The following WDR81 variants were observed in gnomAD, a reference collection of about 807,000 sequenced individuals.
WDR81 encodes WD repeat domain 81.
WDR81 carries 92 observed loss-of-function variants against 140.8 expected under a neutral mutation model. That is an observed-to-expected ratio of 0.65 (90% CI 0.55 to 0.78). The LOEUF (loss-of-function observed/expected upper bound fraction) is 0.78. Ranked by LOEUF, WDR81 falls within the 30% of genes least tolerant of loss-of-function variation. The pLI, the probability that WDR81 is intolerant of heterozygous loss-of-function variation, is 0.00. For missense variants in WDR81, 2,502 were observed against 2,636.4 expected (o/e 0.95, Z 1.12); for synonymous variants, 1,183 against 1,156.4 (o/e 1.02, Z -0.47).
chr17:1,731,278 G>C lies in WDR81; in HGVS notation c.4157+20G>C. 1 of 1,609,834 alleles carries C rather than the reference G, an allele frequency of 6.2e-7. No homozygotes were observed. Among genetic ancestry groups the C allele is most frequent in the Non-Finnish European group, 8.5e-7 (1 of 1,178,074 alleles). On this transcript the variant is annotated intron_variant, in intron 4 of 9. Transcript: ENST00000409644. The stretch of plus-strand genomic sequence containing the variant: ...CACGGGGTAGGCCTCTGCCCCAGCT[G>C]ATGTAGGGGGACCGGCCCAGCGGAG...
chr17:1,733,066 A>T, intron 6 of WDR81: 1 of 536,802 alleles, frequency 1.9e-6, no homozygotes, highest in South Asian at 3.0e-5. Context: ...TGGGGAAGGC[A>T]GGAGAGTCAG....
intron 1 of WDR81, among the ~76,000 whole-genome samples, chr17:1,718,560 G>A (rs1208506327): frequency 1.3e-5 from 2 of 152,244 alleles, no homozygotes; most frequent in Admixed American, 6.5e-5. Context: ...GGTGGGACAC[G>A]TTGGCCCCAG....
intron 9 of WDR81, 72 bp from the exon 10 acceptor site, chr17:1,737,292 TG>T (rs1342982796): frequency 6.9e-7 from 1 of 1,445,974 alleles, no homozygotes; most frequent in Non-Finnish European, 9.2e-7. Context: ...CGGAGGGAAC[TG>T]GGAAGGCCTT....
Position 1,727,672 on chromosome 17 carries a change from C to T in WDR81, c.2713C>T (p.Leu905=), listed in dbSNP as rs1480295686. Residue 905 remains leucine, a synonymous_variant, in exon 1 of 10, where the codon CTG becomes TTG. Coordinates refer to ENST00000409644, the MANE Select transcript of WDR81 (RefSeq NM_001163809.2). ...CCAGGGGCGCGAGCTGGTGTTTGCTCTGTGGCAGCAGCTGGGCGCGGTGCT... is the reference window on the plus strand; with the variant it reads ...CCAGGGGCGCGAGCTGGTGTTTGCTTTGTGGCAGCAGCTGGGCGCGGTGCT... ...EAQGRELVFA[L]WQQLGAVLKD... 3 of 1,550,450 alleles carry T rather than the reference C, an allele frequency of 1.9e-6. No individual in the cohort carries two copies. Among genetic ancestry groups the T allele is most frequent in the Non-Finnish European group, 2.6e-6 (3 of 1,147,020 alleles).
At chr17:1,722,121 C>G (rs1226678542), upstream of WDR81, among the ~76,000 whole-genome samples, 2 of 151,332 alleles carry the variant, frequency 1.3e-5, no homozygotes, top group African/African-American at 4.9e-5. Flanking sequence ...GAAACTCTGT[C>G]TTAAAAAAAA....
chr17:1,733,996 C>G lies in WDR81; in HGVS notation c.4959C>G (p.Cys1653Trp). 6.2e-7 allele frequency: 1 copy of G among 1,612,816 alleles called. No homozygotes were observed. Among genetic ancestry groups the G allele is most frequent in the Non-Finnish European group, 8.5e-7 (1 of 1,179,984 alleles). Residue 1653 changes from cysteine to tryptophan, a missense_variant, in exon 7 of 10, where the codon TGC becomes TGG. By Grantham distance (215) the Cys-to-Trp change is radical. Transcript: ENST00000409644. ...SFPGHSGAVK[C>W]VAPLSSEDFF... ...CGGGCCACTCGGGGGCCGTCAAGTG[C>G]GTGGCACCCCTAAGCAGCGAGGACT...
Position 1,733,893 on chromosome 17 carries a change from C to T in WDR81, c.4856C>T (p.Ala1619Val), listed in dbSNP as rs756994882. 4 of 1,611,110 alleles carry T rather than the reference C, an allele frequency of 2.5e-6. No individual in the cohort carries two copies. Among genetic ancestry groups the T allele is most frequent in the Non-Finnish European group, 3.4e-6 (4 of 1,179,630 alleles). Reference sequence around the variant, plus strand: ...CACGGGCTGAGCGGAAACTGGCTGGCGTACTGGCAGTACGAGATCGGCGTG... The same window carrying T: ...CACGGGCTGAGCGGAAACTGGCTGGTGTACTGGCAGTACGAGATCGGCGTG... ...SVHGLSGNWLAYWQYEIGVSQ... is the reference protein window; with the variant it reads ...SVHGLSGNWLVYWQYEIGVSQ... Residue 1619 changes from alanine (A) to valine (V), a missense_variant, in exon 7 of 10, where the codon GCG becomes GTG. Ala to Val is a moderately conservative substitution (Grantham distance 64, BLOSUM62 0). Around this residue, in one of 3 missense-constraint regions of WDR81, gnomAD observed 1,737 missense variants for 1,843.0 expected, o/e 0.94. Coordinates refer to ENST00000409644, the MANE Select transcript of WDR81 (RefSeq NM_001163809.2).
Position 1,725,267 on chromosome 17 carries a change from C to G in WDR81, c.308C>G (p.Thr103Arg). 1 of 1,545,078 alleles carries G rather than the reference C, an allele frequency of 6.5e-7. No homozygotes were observed. Among genetic ancestry groups the G allele is most frequent in the Non-Finnish European group, 8.7e-7 (1 of 1,146,958 alleles). The change falls in exon 1 of 10, where the codon ACG (threonine) becomes AGG (arginine). Residue 103 changes from threonine to arginine, a missense_variant. This residue lies in a region of WDR81 where 547 missense variants were observed against 513.8 expected (regional missense o/e 1.06). Transcript: ENST00000409644. ...RSVQRLPAGWTRVEVHGLRKR... is the reference protein window; with the variant it reads ...RSVQRLPAGWRRVEVHGLRKR... Reference sequence around the variant, plus strand: ...GTGCAAAGGCTGCCTGCCGGCTGGACGCGCGTGGAGGTGCATGGGCTGCGG... The same window carrying G: ...GTGCAAAGGCTGCCTGCCGGCTGGAGGCGCGTGGAGGTGCATGGGCTGCGG...
At position 1,728,193 on chromosome 17, in the gene WDR81, C is replaced by A; in HGVS notation, c.3234C>A (p.Asp1078Glu). ...TSGVSFHDQA[D>E]LPETEDFQAG... ...GCGTCAGCTTCCACGACCAGGCTGA[C>A]CTCCCTGAGACAGAGGACTTCCAAG... Residue 1078 changes from aspartate (D) to glutamate (E), a missense_variant, in exon 1 of 10, where the codon GAC becomes GAA. By Grantham distance (45) the Asp-to-Glu change is conservative. Around this residue, in one of 3 missense-constraint regions of WDR81, gnomAD observed 1,737 missense variants for 1,843.0 expected, o/e 0.94. Coordinates refer to ENST00000409644, the MANE Select transcript of WDR81 (RefSeq NM_001163809.2). 6.2e-7 allele frequency: 1 copy of A among 1,605,636 alleles called. No individual in the cohort carries two copies.
chr17:1,730,809 C>T lies in WDR81; in HGVS notation c.3830C>T (p.Ala1277Val). 1 of 1,612,490 alleles carries T rather than the reference C, an allele frequency of 6.2e-7. No homozygotes were observed. Among genetic ancestry groups the T allele is most frequent in the Middle Eastern group, 1.6e-4 (1 of 6,062 alleles). Residue 1277 changes from alanine (A) to valine (V), a missense_variant, in exon 3 of 10, where the codon GCC becomes GTC. Ala to Val is a moderately conservative substitution (Grantham distance 64). Coordinates refer to ENST00000409644, the MANE Select transcript of WDR81 (RefSeq NM_001163809.2). Reference protein sequence around the residue: ...VSSGESPPLSAGNIYQKRPVL... With the variant: ...VSSGESPPLSVGNIYQKRPVL... ...AGTGGCGAGAGCCCACCGCTGAGCG[C>T]CGGCAACATCTACCAGAAGAGGCCG...
chr17:1,727,901 A>G lies in WDR81; in HGVS notation c.2942A>G (p.Tyr981Cys), dbSNP rs1023013889. The G allele has an allele frequency of 3.9e-6, 6 of 1,550,706 alleles. No homozygotes were observed. The East Asian group carries it at 7.3e-5, about 19-fold the overall frequency. ...CCCTGCCAGCTACACGGCCGCTTCT[A>G]CCTGTACACGGACTGCTTTGTGGCC... is the stretch of plus-strand genomic sequence containing the variant. ...ESPCQLHGRFYLYTDCFVAQL... is the reference protein window; with the variant it reads ...ESPCQLHGRFCLYTDCFVAQL... Residue 981 changes from tyrosine (Y) to cysteine (C), a missense_variant, in exon 1 of 10, where the codon TAC becomes TGC. This residue lies in a region of WDR81 where 1,737 missense variants were observed against 1,843.0 expected (regional missense o/e 0.94). Transcript: ENST00000409644.
At position 1,727,854 on chromosome 17, in the gene WDR81, G is replaced by A. The variant is rs184036171; in HGVS notation, c.2895G>A (p.Pro965=). Reference sequence around the variant, plus strand: ...ATGCCAATAAGTACCTCCTGAAGCCGCTCATTGGTGCCTACGAGAGCCCCT... The same window carrying A: ...ATGCCAATAAGTACCTCCTGAAGCCACTCATTGGTGCCTACGAGAGCCCCT... The part of the protein sequence containing the change: ...PKNANKYLLK[P]LIGAYESPCQ... Residue 965 remains proline, a synonymous_variant, in exon 1 of 10, where the codon CCG becomes CCA. Transcript: ENST00000409644. The A allele has an allele frequency of 2.5e-5, 38 of 1,550,722 alleles. 1 individual carries two copies. In the Admixed American group the frequency reaches 3.3e-4, roughly 14 times the overall value.
chr17:1,730,629 A>G, intron 2 of WDR81, 126 bp from the exon 3 acceptor site: 1 of 1,419,350 alleles, frequency 7.0e-7, no homozygotes, highest in South Asian at 1.4e-5. Flanking sequence ...TCTAAGTGCC[A>G]GCCTTGGGTA....
In WDR81 at chr17:1,735,174, A is replaced by T; in HGVS notation, c.5180-398A>T. On this transcript the variant is annotated intron_variant, in intron 7 of 9. Coordinates refer to ENST00000409644, the MANE Select transcript of WDR81 (RefSeq NM_001163809.2). The surrounding 1 kb of genome is among the most constrained non-coding windows in gnomAD (Gnocchi z 4.2). Reference sequence around the variant, plus strand: ...GCCGGACGCGGTGGCTCACGCCTGTAATCCCAGCACTTTGGGAGGCCAAAG... The same window carrying T: ...GCCGGACGCGGTGGCTCACGCCTGTTATCCCAGCACTTTGGGAGGCCAAAG... Among the ~76,000 whole-genome samples the T allele has an allele frequency of 6.6e-6, 1 of 152,198 alleles. No individual in the cohort carries two copies. The highest frequency in any genetic ancestry group is 1.5e-5 in the Non-Finnish European group (1 of 68,034).
At position 1,727,963 on chromosome 17, in the gene WDR81, A is replaced by T; in HGVS notation, c.3004A>T (p.Thr1002Ser). Residue 1002 changes from threonine to serine, a missense_variant, in exon 1 of 10, where the codon ACT becomes TCT. Physicochemically the swap from Thr to Ser is moderately conservative, Grantham distance 58. Coordinates refer to ENST00000409644, the MANE Select transcript of WDR81 (RefSeq NM_001163809.2). ...GCGGCTGGGCCTGCAGGCATTTCTCACTCACCTGCTGCCCCATGTCCTGCA... is the reference window on the plus strand; with the variant it reads ...GCGGCTGGGCCTGCAGGCATTTCTCTCTCACCTGCTGCCCCATGTCCTGCA... ...MVRLGLQAFL[T>S]HLLPHVLQVL... 6.5e-7 allele frequency: 1 copy of T among 1,549,870 alleles called. No homozygotes were observed. Among genetic ancestry groups the T allele is most frequent in the Admixed American group, 2.0e-5 (1 of 50,970 alleles).
Position 1,724,946 on chromosome 17 carries a change from G to C in WDR81, c.-14G>C, listed in dbSNP as rs1915120190. 1 of 1,389,530 alleles carries C rather than the reference G, an allele frequency of 7.2e-7. No individual in the cohort carries two copies. Among genetic ancestry groups the C allele is most frequent in the African/African-American group, 1.5e-5 (1 of 65,652 alleles). The allele number at this position is 1,389,530 out of a possible 1,614,324, so 86.1% of individuals were successfully genotyped here. A position where few individuals can be genotyped will look rare whatever the true frequency, so the allele number is the denominator to read the frequency against. ...GGGCTCAGCCCCGCGCTGCCCCCGG[G>C]CGGCCTGGAGGAGATGGCCCAGGGC... On this transcript the variant is annotated 5_prime_UTR_variant, in exon 1 of 10. Transcript: ENST00000409644.
At position 1,731,379 on chromosome 17, in the gene WDR81, G is replaced by T. The variant is rs999161831; in HGVS notation, c.4157+121G>T. The stretch of plus-strand genomic sequence containing the variant: ...ACTGGGTGTCAAGAGTCCTGGTTTT[G>T]ATCCCGGCTGTGTGACCCTGAGCAA... On this transcript the variant is annotated intron_variant, in intron 4 of 9. Coordinates refer to ENST00000409644, the MANE Select transcript of WDR81 (RefSeq NM_001163809.2). 3.7e-5 allele frequency: 46 copies of T among 1,239,196 alleles called. No homozygotes were observed. In the Admixed American group the frequency reaches 6.4e-4, roughly 17 times the overall value. The allele number at this position is 1,239,196 out of a possible 1,614,324, so 76.8% of individuals were successfully genotyped here.
At chr17:1,716,559 G>A (rs1567712371) in exon 1 of WDR81, 3 of 1,551,192 alleles carry the variant, frequency 1.9e-6, no homozygotes, top group Non-Finnish European at 2.6e-6. Flanking sequence ...AAGCCACGGC[G>A]TCTGCGTTTG....
In WDR81 at chr17:1,728,301, C is replaced by T. The variant is rs373042741; in HGVS notation, c.3342C>T (p.Thr1114=). 3.7e-6 allele frequency: 6 copies of T among 1,612,826 alleles called. No homozygotes were observed. The highest frequency in any genetic ancestry group is 3.3e-5 in the South Asian group (3 of 91,082). ...SLGRLSDKSS[T]SETSLGEERA... is the part of the protein sequence containing the mutation. ...GCCGGCTGAGTGACAAGAGCAGCAC[C>T]AGCGAGACCTCCCTGGGTGAGGAGC... The change falls in exon 1 of 10, where the codon ACC becomes ACT. Residue 1114 remains threonine (T), a synonymous_variant. Transcript: ENST00000409644.
Sources: allele counts gnomAD v4.1 joint callset (sites outside exome capture counted in the v4.1 genomes callset), GRCh38; gene constraint gnomAD v4.1.1; regional missense constraint gnomAD v4.1.1; non-coding constraint Gnocchi (gnomAD v3.1); transcripts MANE v1.5; gene names NCBI Gene and HGNC (gene_info 2026-07-23, HGNC 2026-07-21).